Variants in BRIP1 observed in about 807,000 individuals in gnomAD.
The protein encoded by BRIP1 is BRCA1 interacting DNA helicase 1, also known as Fanconi anemia group J protein.
Under a neutral mutation model 119.7 loss-of-function variants are expected in BRIP1, and 88 were observed. The observed-to-expected ratio is 0.74, with a 90% confidence interval of 0.62 to 0.88. The LOEUF (loss-of-function observed/expected upper bound fraction) is 0.88, where lower values mean the gene tolerates loss of function less well. BRIP1 is among the 40% of genes least tolerant of loss of function. BRIP1 has a pLI of 0.00. For missense variants in BRIP1, 1,259 were observed against 1,455.4 expected (o/e 0.87, Z 2.20); for synonymous variants, 443 against 496.5 (o/e 0.89, Z 1.43).
rs1341988992 is a variant in BRIP1 at position 61,770,945 on chromosome 17, A to T, written c.2097+5456T>A. Reference sequence around the variant, plus strand: ...ACTACCTTAGCACTAATTACATTAAACGTAAATGGAGTAAACACTCAAGTT... The same window carrying T: ...ACTACCTTAGCACTAATTACATTAATCGTAAATGGAGTAAACACTCAAGTT... On this transcript the variant is annotated intron_variant, in intron 14 of 19. Coordinates refer to ENST00000259008, the MANE Select transcript of BRIP1 (RefSeq NM_032043.3). This position sits in a 1 kb window ranked among gnomAD's most constrained non-coding sequence, Gnocchi z 4.7. Among the ~76,000 whole-genome samples the T allele has an allele frequency of 6.6e-6, 1 of 152,000 alleles. No homozygotes were observed. The highest frequency in any genetic ancestry group is 1.5e-5 in the Non-Finnish European group (1 of 67,878).
Position 61,761,930 on chromosome 17 carries a change from CAAG to C in BRIP1, c.2097+14468_2097+14470del, listed in dbSNP as rs2077282593. On this transcript the variant is annotated intron_variant, in intron 14 of 19. Transcript: ENST00000259008. This position sits in a 1 kb window ranked among gnomAD's most constrained non-coding sequence, Gnocchi z 6.4. ...GAATCCTAAATTTCATATAGAGCCA[CAAG>C]AAGCTTTGAATAGCCATGGCAGTCA... Among the ~76,000 whole-genome samples, 4 of 152,008 alleles carry C rather than the reference CAAG, an allele frequency of 2.6e-5. No individual in the cohort carries two copies. The South Asian group carries it at 8.3e-4, about 32-fold the overall frequency.
intron 4 of BRIP1, among the ~76,000 whole-genome samples, chr17:61,855,009 A>T (rs1489772178): frequency 6.6e-6 from 1 of 151,770 alleles, no homozygotes; most frequent in Non-Finnish European, 1.5e-5. Flanking sequence ...AAGAAGCCAG[A>T]CAAAATAAGT....
At chr17:61,826,421 T>C (rs1000877937) in intron 6 of BRIP1, among the ~76,000 whole-genome samples, 4 of 152,150 alleles carry the variant, frequency 2.6e-5, no homozygotes, top group African/African-American at 9.7e-5. Context: ...AAAGAGTTAA[T>C]GCACAGCAAA....
rs1316242126 is a variant in BRIP1 at position 61,758,008 on chromosome 17, G to GA, written c.2098-13418dup. 6.0e-5 allele frequency among the ~76,000 whole-genome samples: 9 copies of GA among 150,658 alleles called. No homozygotes were observed. The highest frequency in any genetic ancestry group is 2.0e-4 in the African/African-American group (8 of 40,996). ...GACACTGTCTTGAAAAAAAAAAAGA[G>GA]AAAAAAGAAAAGAAAACAATAAGAA... On this transcript the variant is annotated intron_variant, in intron 14 of 19. Transcript: ENST00000259008. This position sits in a 1 kb window ranked among gnomAD's most constrained non-coding sequence, Gnocchi z 5.3.
chr17:61,780,880 G>T lies in BRIP1; in HGVS notation c.1754C>A (p.Ala585Glu), dbSNP rs756946068. The T allele has an allele frequency of 6.2e-6, 10 of 1,614,020 alleles. No individual in the cohort carries two copies. The Admixed American group carries it at 1.5e-4, about 24-fold the overall frequency. ...GCACCAAAAGTTTAGCACATGAACT[G>T]CAGTTTTCTGTCGTGAACGTTTCTT... The part of the protein sequence containing the change: ...KNKKRSRQKT[A>E]VHVLNFWCLN... The change falls in exon 12 of 20, where the codon GCA (alanine) becomes GAA (glutamate). Residue 585 changes from alanine (A) to glutamate (E), a missense_variant. Transcript: ENST00000259008. This position sits in a 1 kb window ranked among gnomAD's most constrained non-coding sequence, Gnocchi z 5.4.
In BRIP1 at chr17:61,683,720, C is replaced by G; in HGVS notation, c.3326G>C (p.Ser1109Thr). 6.2e-7 allele frequency: 1 copy of G among 1,614,064 alleles called. No homozygotes were observed. The highest frequency in any genetic ancestry group is 8.5e-7 in the Non-Finnish European group (1 of 1,179,986). The change falls in exon 20 of 20, where the codon AGT becomes ACT. Residue 1109 changes from serine to threonine, a missense_variant. By Grantham distance (58) the Ser-to-Thr change is moderately conservative. Around this residue, in one of 3 missense-constraint regions of BRIP1, gnomAD observed 753 missense variants for 891.8 expected, o/e 0.84. Coordinates refer to ENST00000259008, the MANE Select transcript of BRIP1 (RefSeq NM_032043.3). The surrounding 1 kb of genome is among the most constrained non-coding windows in gnomAD (Gnocchi z 4.7). ...LDPDIELSLV[S>T]EEDKQSTSNR... ...TGAAGTGGACTGTTTATCTTCTTCA[C>G]TTACTAGAGACAATTCAATGTCTGG...
chr17:61,846,966 G>T lies in BRIP1; in HGVS notation c.627+135C>A. The T allele has an allele frequency of 1.0e-6, 1 of 958,472 alleles. No homozygotes were observed. The allele number at this position is 958,472 out of a possible 1,614,324, so 59.4% of individuals were successfully genotyped here. A position where few individuals can be genotyped will look rare whatever the true frequency, so the allele number is the denominator to read the frequency against. ...CATCTCACACATTAGTAACAGAGATGTGACAGCATTGAGGACTTCTGAGTG... is the reference window on the plus strand; with the variant it reads ...CATCTCACACATTAGTAACAGAGATTTGACAGCATTGAGGACTTCTGAGTG... On this transcript the variant is annotated intron_variant, in intron 6 of 19. Coordinates refer to ENST00000259008, the MANE Select transcript of BRIP1 (RefSeq NM_032043.3). The surrounding 1 kb of genome is among the most constrained non-coding windows in gnomAD (Gnocchi z 4.3).
chr17:61,754,738 G>A lies in BRIP1; in HGVS notation c.2098-10147C>T, dbSNP rs2077177265. ...GATTTCTGGTTAGGGCTCTCTTCTT[G>A]GCTTGCAGACAGCCACCTTCTGTGT... On this transcript the variant is annotated intron_variant, in intron 14 of 19. Transcript: ENST00000259008. The surrounding 1 kb of genome is among the most constrained non-coding windows in gnomAD (Gnocchi z 4.1). 6.6e-6 allele frequency among the ~76,000 whole-genome samples: 1 copy of A among 152,118 alleles called. No individual in the cohort carries two copies.
In BRIP1 at chr17:61,689,206, G is replaced by T. The variant is rs551427413; in HGVS notation, c.2576-3041C>A. 1.3e-5 allele frequency among the ~76,000 whole-genome samples: 2 copies of T among 151,952 alleles called. No individual in the cohort carries two copies. Among genetic ancestry groups the T allele is most frequent in the African/African-American group, 4.8e-5 (2 of 41,414 alleles). On this transcript the variant is annotated intron_variant, in intron 18 of 19. Coordinates refer to ENST00000259008, the MANE Select transcript of BRIP1 (RefSeq NM_032043.3). The surrounding 1 kb of genome is among the most constrained non-coding windows in gnomAD (Gnocchi z 4.5). Reference sequence around the variant, plus strand: ...CTACAGGCATGTACCACCACACCCGGCTAATTGTCGTATTTTTAGTAGAGG... The same window carrying T: ...CTACAGGCATGTACCACCACACCCGTCTAATTGTCGTATTTTTAGTAGAGG...
At position 61,861,097 on chromosome 17, in the gene BRIP1, T is replaced by C. The variant is rs537011523; in HGVS notation, c.93+350A>G. Among the ~76,000 whole-genome samples the C allele has an allele frequency of 1.3e-5, 2 of 152,216 alleles. No individual in the cohort carries two copies. The highest frequency in any genetic ancestry group is 2.9e-5 in the Non-Finnish European group (2 of 68,024). On this transcript the variant is annotated intron_variant, in intron 2 of 19. Transcript: ENST00000259008. This position sits in a 1 kb window ranked among gnomAD's most constrained non-coding sequence, Gnocchi z 4.5. ...GAAAGCTGGTTTACTCAAATTTGTATATTAATTTTCTACATGATCCAAACA... is the reference window on the plus strand; with the variant it reads ...GAAAGCTGGTTTACTCAAATTTGTACATTAATTTTCTACATGATCCAAACA...
chr17:61,799,143 T>C lies in BRIP1; in HGVS notation c.1297A>G (p.Lys433Glu), dbSNP rs2077947326. The change falls in exon 9 of 20, where the codon AAA becomes GAA. Residue 433 changes from lysine to glutamate, a missense_variant. Transcript: ENST00000259008. This position sits in a 1 kb window ranked among gnomAD's most constrained non-coding sequence, Gnocchi z 5.1. ...ACAGCTCGTAGGGGTTCATGATCTT[T>C]CTTCCTTATATTATTGTTGACCATA... Reference protein sequence around the residue: ...DSMVNNNIRKKDHEPLRAVCC... With the variant: ...DSMVNNNIRKEDHEPLRAVCC... The C allele has an allele frequency of 1.2e-6, 2 of 1,613,576 alleles. No homozygotes were observed. Among genetic ancestry groups the C allele is most frequent in the Non-Finnish European group, 1.7e-6 (2 of 1,179,674 alleles).
At chr17:61,820,736 G>T (rs1238825788) in intron 6 of BRIP1, among the ~76,000 whole-genome samples, 1 of 152,086 alleles carries the variant, frequency 6.6e-6, no homozygotes, top group Non-Finnish European at 1.5e-5. Context: ...GATCACTTGA[G>T]GTCAGGAGTT....
chr17:61,702,347 G>T (rs2061627907), intron 17 of BRIP1, among the ~76,000 whole-genome samples: 1 of 152,100 alleles, frequency 6.6e-6, no homozygotes, highest in South Asian at 2.1e-4. Context: ...GTGATTTGTT[G>T]TGACAAATTA....
intron 14 of BRIP1, among the ~76,000 whole-genome samples, chr17:61,765,379 TTATATATATATATATATATATATATA>T (rs1287538931): frequency 5.8e-4 from 22 of 37,746 alleles, no homozygotes; most frequent in Admixed American, 2.1e-3. Flanking sequence ...TGTGTATATA[TTATATATATATATATATATATATATA>T]TATATATATA....
In BRIP1 at chr17:61,843,018, C is replaced by T. The variant is rs2078679127; in HGVS notation, c.627+4083G>A. Among the ~76,000 whole-genome samples, 1 of 152,110 alleles carries T rather than the reference C, an allele frequency of 6.6e-6. No individual in the cohort carries two copies. Among genetic ancestry groups the T allele is most frequent in the Non-Finnish European group, 1.5e-5 (1 of 68,018 alleles). ...GAAAATGTGGTGTGTATGTGTATGT[C>T]AATGGAATATTAGCCCTAAAAAAGA... is the stretch of plus-strand genomic sequence containing the variant. On this transcript the variant is annotated intron_variant, in intron 6 of 19. Coordinates refer to ENST00000259008, the MANE Select transcript of BRIP1 (RefSeq NM_032043.3). The surrounding 1 kb of genome is among the most constrained non-coding windows in gnomAD (Gnocchi z 5.7).
At chr17:61,728,046 C>T (rs1055163453) in intron 16 of BRIP1, among the ~76,000 whole-genome samples, 1 of 151,904 alleles carries the variant, frequency 6.6e-6, no homozygotes, top group Non-Finnish European at 1.5e-5. Flanking sequence ...TCAGGCTGGT[C>T]TCAAACTCCT....
At chr17:61,791,000 T>C (rs1269804254) in intron 10 of BRIP1, among the ~76,000 whole-genome samples, 1 of 152,152 alleles carries the variant, frequency 6.6e-6, no homozygotes, top group Non-Finnish European at 1.5e-5. Context: ...GATGTCACAA[T>C]ATGGAAAAAT....
At chr17:61,764,915 A>AT (rs1414227070) in intron 14 of BRIP1, among the ~76,000 whole-genome samples, 2 of 152,120 alleles carry the variant, frequency 1.3e-5, no homozygotes, top group South Asian at 2.1e-4. Context: ...TTAAAATGTA[A>AT]TTGTCATTGT....
chr17:61,813,490 A>C (rs2078194172), intron 6 of BRIP1, among the ~76,000 whole-genome samples: 1 of 152,086 alleles, frequency 6.6e-6, no homozygotes, highest in African/African-American at 2.4e-5. Context: ...CATTACAATT[A>C]AATCTGACAG....
Sources: allele counts gnomAD v4.1 joint callset (sites outside exome capture counted in the v4.1 genomes callset), GRCh38; gene constraint gnomAD v4.1.1; regional missense constraint gnomAD v4.1.1; non-coding constraint Gnocchi (gnomAD v3.1); transcripts MANE v1.5; gene names NCBI Gene and HGNC (gene_info 2026-07-23, HGNC 2026-07-21).